Variants in FLNB observed in about 807,000 individuals in gnomAD.
FLNB encodes the protein filamin-B.
In FLNB, 111 loss-of-function variants were observed where a neutral mutation model predicts 250.6. The ratio of observed to expected loss-of-function variants is 0.44; its 90% CI spans 0.38 to 0.52. The LOEUF (loss-of-function observed/expected upper bound fraction) is 0.52, where lower values mean the gene tolerates loss of function less well. Among genes scored for constraint, FLNB ranks in the 20% least tolerant of loss-of-function variants. The pLI is 0.00. For synonymous variants in FLNB, 1,302 were observed against 1,372.1 expected (o/e 0.95, Z 1.13); for missense variants, 2,869 against 3,447.8 (o/e 0.83, Z 4.20).
At chr3:58,037,356 C>A (rs533522691) in intron 1 of FLNB, among the ~76,000 whole-genome samples, 14 of 152,304 alleles carry the variant, frequency 9.2e-5, no homozygotes, top group Non-Finnish European at 1.9e-4. Context: ...TAAGCCACCA[C>A]GCCTGGCCGA....
chr3:58,109,777 T>C (rs1265667003), intron 15 of FLNB, 78 bp downstream of exon 15: 2 of 1,591,724 alleles, frequency 1.3e-6, no homozygotes, highest in East Asian at 2.2e-5. Context: ...TTCAATGCCT[T>C]TTGAACTAGG....
chr3:58,145,949 C>A lies in FLNB; in HGVS notation c.5454C>A (p.Tyr1818Ter), dbSNP rs1064796797. 41 of 1,614,196 alleles carry A rather than the reference C, an allele frequency of 2.5e-5. No homozygotes were observed. Among genetic ancestry groups the A allele is most frequent in the Non-Finnish European group, 3.3e-5 (39 of 1,180,018 alleles). ...PESPLQFYVN[Y>*]PNSGSVSAYG... ...GCCCACTCCAGTTCTACGTGAACTA[C>A]CCCAACAGTGGAAGTGTTTCTGCAT... Residue 1818 changes from tyrosine (Y) to a stop codon, truncating the protein, a stop_gained, in exon 33 of 46, where the codon TAC becomes TAA. Coordinates refer to ENST00000295956, the MANE Select transcript of FLNB (RefSeq NM_001457.4). LOFTEE classifies it high-confidence loss of function.
intron 1 of FLNB, among the ~76,000 whole-genome samples, chr3:58,063,344 C>G (rs545004469): frequency 3.3e-5 from 5 of 152,160 alleles, no homozygotes; most frequent in African/African-American, 1.2e-4. Context: ...AGAAGGAGGT[C>G]GGTCCCTGGG....
chr3:58,059,283 G>A (rs1316035999), intron 1 of FLNB, among the ~76,000 whole-genome samples: 1 of 152,190 alleles, frequency 6.6e-6, no homozygotes, highest in Non-Finnish European at 1.5e-5. Flanking sequence ...TATCAAACCT[G>A]TGATTTCCAG....
At chr3:58,137,057 A>G (rs1377425742) in intron 28 of FLNB, among the ~76,000 whole-genome samples, 1 of 152,194 alleles carries the variant, frequency 6.6e-6, no homozygotes, top group Admixed American at 6.5e-5. Context: ...TGGGCAGCTC[A>G]GTGCTGCTGC....
chr3:58,046,062 T>C (rs1198507368), intron 1 of FLNB, among the ~76,000 whole-genome samples: 5 of 138,720 alleles, frequency 3.6e-5, no homozygotes, highest in African/African-American at 1.3e-4. Context: ...TTGGAGAACC[T>C]CAAGATGCCT....
intron 8 of FLNB, 80 bp from the exon 9 acceptor site, chr3:58,102,123 G>A: frequency 6.5e-7 from 1 of 1,533,098 alleles, no homozygotes; most frequent in Non-Finnish European, 9.0e-7. Context: ...TTTCTTGGCG[G>A]GTGGCTCCAG....
At chr3:58,130,978 G>T in intron 25 of FLNB, 70 bp downstream of exon 25, 1 of 1,470,384 alleles carries the variant, frequency 6.8e-7, no homozygotes, top group South Asian at 1.2e-5. Context: ...ACCCAGAGCA[G>T]ATGCTTTGCT....
At chr3:58,096,048 G>C (rs975850859) in intron 5 of FLNB, 93 bp from the exon 6 acceptor site, 26 of 967,920 alleles carry the variant, frequency 2.7e-5, no homozygotes, top group Non-Finnish European at 4.1e-5. Context: ...CAGTGTTTCC[G>C]ACCTGGCAGC....
chr3:58,071,334 A>G (rs1010494395), intron 1 of FLNB, among the ~76,000 whole-genome samples: 1 of 134,606 alleles, frequency 7.4e-6, no homozygotes, highest in African/African-American at 2.9e-5. Flanking sequence ...GCTGGAGTGC[A>G]GTGGGGTGAT....
At chr3:58,018,764 T>C (rs994857393) in intron 1 of FLNB, among the ~76,000 whole-genome samples, 16 of 152,004 alleles carry the variant, frequency 1.1e-4, no homozygotes, top group Admixed American at 2.6e-4. Flanking sequence ...GTAATCCGCC[T>C]GCTTTGGCCT....
intron 4 of FLNB, among the ~76,000 whole-genome samples, chr3:58,092,482 A>C (rs1044049641): frequency 6.6e-6 from 1 of 152,108 alleles, no homozygotes; most frequent in African/African-American, 2.4e-5. Context: ...CATCTCTACA[A>C]ATAATTTTTA....
At chr3:58,168,165 A>G (rs1428815327) in intron 43 of FLNB, among the ~76,000 whole-genome samples, 1 of 152,242 alleles carries the variant, frequency 6.6e-6, no homozygotes, top group East Asian at 1.9e-4. Flanking sequence ...ACAATGGCTC[A>G]TGCCCAGAGG....
chr3:58,070,655 T>G (rs1014271287), intron 1 of FLNB, among the ~76,000 whole-genome samples: 17 of 130,242 alleles, frequency 1.3e-4, no homozygotes, highest in Non-Finnish European at 2.6e-4. Flanking sequence ...TCTCTCTCTC[T>G]CTCTCTTTTT....
chr3:58,021,033 A>G (rs2097113264), intron 1 of FLNB, among the ~76,000 whole-genome samples: 1 of 152,108 alleles, frequency 6.6e-6, no homozygotes, highest in South Asian at 2.1e-4. Flanking sequence ...CCCGTGTCCC[A>G]AGAAAATAAG....
intron 1 of FLNB, among the ~76,000 whole-genome samples, chr3:58,061,221 C>T (rs543598820): frequency 1.3e-5 from 2 of 152,282 alleles, no homozygotes; most frequent in East Asian, 1.9e-4. Context: ...ACAGTCTGTA[C>T]ATAGATGAAT....
chr3:58,153,947 G>A (rs184474987), intron 39 of FLNB, among the ~76,000 whole-genome samples: 1 of 152,312 alleles, frequency 6.6e-6, no homozygotes, highest in East Asian at 1.9e-4. Flanking sequence ...TTTCAGGGCT[G>A]ATGTTCTGTG....
At chr3:58,020,915 G>A (rs1391310393) in intron 1 of FLNB, among the ~76,000 whole-genome samples, 1 of 151,928 alleles carries the variant, frequency 6.6e-6, no homozygotes, top group Non-Finnish European at 1.5e-5. Flanking sequence ...GGCAGGAACG[G>A]TGCTACCTTC....
chr3:58,075,343 G>T (rs532224215), intron 1 of FLNB, among the ~76,000 whole-genome samples: 1 of 152,298 alleles, frequency 6.6e-6, no homozygotes, highest in Non-Finnish European at 1.5e-5. Flanking sequence ...ACCAGCTGTA[G>T]AATCTGGTGT....
Sources: gnomAD v4.1 joint callset for allele counts (sites outside exome capture counted in the v4.1 genomes callset) on GRCh38, gnomAD v4.1.1 for gene constraint, MANE v1.5 for transcripts, NCBI Gene and HGNC (gene_info 2026-07-23, HGNC 2026-07-21) for gene names.